Variants in NLK observed in about 807,000 individuals in gnomAD.
NLK encodes the protein serine/threonine-protein kinase NLK.
In NLK, 11 loss-of-function variants were observed where a neutral mutation model predicts 59.0. That is an observed-to-expected ratio of 0.19 (90% CI 0.12 to 0.31). The LOEUF is 0.31. Among genes scored for constraint, NLK ranks in the 10% least tolerant of loss-of-function variants. NLK has a pLI of 1.00. For missense variants in NLK, 410 were observed against 661.1 expected, an observed-to-expected ratio of 0.62 and a Z score of 4.16; for synonymous variants, 235 against 235.9, an observed-to-expected ratio of 1.00 and a Z score of 0.03.
chr17:28,044,405 G>A (rs1196422143), intron 1 of NLK, among the ~76,000 whole-genome samples: 1 of 152,130 alleles, frequency 6.6e-6, no homozygotes, highest in Non-Finnish European at 1.5e-5. Flanking sequence ...GGCTAAAATT[G>A]ATGGGTGCAT....
At chr17:28,061,510 A>G (rs903057266) in intron 1 of NLK, among the ~76,000 whole-genome samples, 1 of 152,110 alleles carries the variant, frequency 6.6e-6, no homozygotes, top group Non-Finnish European at 1.5e-5. Context: ...AAGACACTTC[A>G]TGGTATCTGG....
intron 1 of NLK, among the ~76,000 whole-genome samples, chr17:28,059,104 C>A (rs1263045641): frequency 1.3e-5 from 2 of 150,878 alleles, no homozygotes; most frequent in African/African-American, 4.9e-5. Context: ...CTAGCTTGGT[C>A]AACAGAGCCA....
chr17:28,140,122 A>G (rs951693975), intron 3 of NLK, among the ~76,000 whole-genome samples: 1 of 152,140 alleles, frequency 6.6e-6, no homozygotes, highest in African/African-American at 2.4e-5. Flanking sequence ...ATGGTAAATC[A>G]TCTAGTTGGC....
intron 1 of NLK, among the ~76,000 whole-genome samples, chr17:28,101,862 T>G (rs1010005372): frequency 1.3e-5 from 2 of 152,342 alleles, no homozygotes; most frequent in African/African-American, 4.8e-5. Flanking sequence ...CCTGATAAAT[T>G]GTCCTTATAT....
At chr17:28,157,015 G>T (rs556445860) in intron 3 of NLK, among the ~76,000 whole-genome samples, 1 of 151,922 alleles carries the variant, frequency 6.6e-6, no homozygotes, top group Non-Finnish European at 1.5e-5. Context: ...TGATAGTTGT[G>T]GGGGGTTTTG....
At chr17:28,081,264 G>A (rs1054563736) in intron 1 of NLK, among the ~76,000 whole-genome samples, 4 of 151,762 alleles carry the variant, frequency 2.6e-5, no homozygotes, top group Admixed American at 6.6e-5. Context: ...AGCGGCGTGC[G>A]TGATCACAGC....
downstream of NLK, among the ~76,000 whole-genome samples, chr17:28,196,733 G>A (rs765257970): frequency 2.0e-5 from 3 of 152,126 alleles, no homozygotes; most frequent in Non-Finnish European, 4.4e-5. Context: ...GAAGCAGACT[G>A]GTAAAGGGAC....
At chr17:28,070,830 A>AT (rs1156679604) in intron 1 of NLK, among the ~76,000 whole-genome samples, 1 of 152,182 alleles carries the variant, frequency 6.6e-6, no homozygotes, top group Non-Finnish European at 1.5e-5. Context: ...CTTTAAGAAG[A>AT]TTTTTTCACC....
intron 1 of NLK, among the ~76,000 whole-genome samples, chr17:28,079,277 A>G (rs1399363264): frequency 3.3e-5 from 5 of 152,210 alleles, no homozygotes; most frequent in African/African-American, 1.2e-4. Flanking sequence ...CCATTGATAG[A>G]CAGATGTTTC....
At chr17:28,182,825 A>T (rs1442437950) in intron 7 of NLK, among the ~76,000 whole-genome samples, 1 of 152,204 alleles carries the variant, frequency 6.6e-6, no homozygotes, top group African/African-American at 2.4e-5. Context: ...TCAGGACCAG[A>T]TAAAGATACC....
At chr17:28,142,562 T>G (rs1241403557) in intron 3 of NLK, among the ~76,000 whole-genome samples, 1 of 152,184 alleles carries the variant, frequency 6.6e-6, no homozygotes, top group African/African-American at 2.4e-5. Flanking sequence ...CACATTGCTG[T>G]TTTTCTTTCA....
intron 3 of NLK, among the ~76,000 whole-genome samples, chr17:28,153,652 G>T (rs756095404): frequency 6.6e-5 from 10 of 152,158 alleles, no homozygotes; most frequent in Non-Finnish European, 1.5e-4. Context: ...TTAATGCAGG[G>T]ATGGCAATTG....
At position 28,195,754 on chromosome 17, in the gene NLK, A is replaced by G. The variant is rs1198891844; in HGVS notation, c.*1118A>G. The G allele has an allele frequency of 6.6e-6, 1 of 151,600 alleles. No homozygotes were observed. The highest frequency in any genetic ancestry group is 1.5e-5 in the Non-Finnish European group (1 of 67,892). 9.4% of individuals were successfully genotyped at this position (151,600 alleles called of 1,614,324 possible). ...ATATGAATACAAATCGAAGGCCTCT[A>G]CCTCCTGGAGTTATACAACTTGGCT... On this transcript the variant is annotated 3_prime_UTR_variant, in exon 11 of 11. Coordinates refer to ENST00000407008, the MANE Select transcript of NLK (RefSeq NM_016231.5).
chr17:28,091,021 A>G (rs746877510), intron 1 of NLK, among the ~76,000 whole-genome samples: 2 of 152,148 alleles, frequency 1.3e-5, no homozygotes, highest in Non-Finnish European at 2.9e-5. Flanking sequence ...GTGGAATACT[A>G]TATATATGAA....
chr17:28,119,667 G>T (rs987540585), intron 1 of NLK, among the ~76,000 whole-genome samples: 1 of 152,138 alleles, frequency 6.6e-6, no homozygotes, highest in Non-Finnish European at 1.5e-5. Context: ...ATCATGAGGG[G>T]ATACTAAAGT....
At position 28,043,104 on chromosome 17, in the gene NLK, AGCGGCTGCAGCTGCAGCC is replaced by A. The variant is rs768207547; in HGVS notation, c.232_249del (p.Ala78_Ala83del). On this transcript the variant is annotated inframe_deletion, in exon 1 of 11. Transcript: ENST00000407008. ...CTTCGGCAGCTGCGGCAGCCGCAGC[AGCGGCTGCAGCTGCAGCC>A]ATGTTAAACCCTGGGCAACAACAGC... 9 of 1,586,580 alleles carry A rather than the reference AGCGGCTGCAGCTGCAGCC, an allele frequency of 5.7e-6. No individual in the cohort carries two copies. Among genetic ancestry groups the A allele is most frequent in the Non-Finnish European group, 6.9e-6 (8 of 1,166,584 alleles).
intron 3 of NLK, among the ~76,000 whole-genome samples, chr17:28,149,107 C>T (rs756876288): frequency 6.6e-5 from 10 of 152,144 alleles, no homozygotes; most frequent in South Asian, 2.1e-4. Context: ...CTGTCGCCAA[C>T]GCTGGAGTGC....
In NLK at chr17:28,042,969, C is replaced by A; in HGVS notation, c.96C>A (p.His32Gln). The change falls in exon 1 of 11, where the codon CAC becomes CAA. Residue 32 changes from histidine to glutamine, a missense_variant. Coordinates refer to ENST00000407008, the MANE Select transcript of NLK (RefSeq NM_016231.5). ...CAGCAGGTCACCACCACCACCATCA[C>A]CACCACCTTCCACACCTCCCTCCTC... ...AAAAGHHHHH[H>Q]HHLPHLPPPH... is the part of the protein sequence containing the mutation. The A allele has an allele frequency of 6.4e-7, 1 of 1,556,048 alleles. No individual in the cohort carries two copies. The highest frequency in any genetic ancestry group is 1.7e-4 in the Middle Eastern group (1 of 5,996).
intron 8 of NLK, among the ~76,000 whole-genome samples, chr17:28,187,842 A>T: frequency 6.6e-6 from 1 of 152,212 alleles, no homozygotes; most frequent in East Asian, 1.9e-4. Flanking sequence ...AGAAAGATTT[A>T]TCTGGTAAGG....
Sources: allele counts gnomAD v4.1 joint callset (sites outside exome capture counted in the v4.1 genomes callset), GRCh38; gene constraint gnomAD v4.1.1; transcripts MANE v1.5; gene names NCBI Gene and HGNC (gene_info 2026-07-23, HGNC 2026-07-21).